Variants in NAA35 observed in about 807,000 individuals in gnomAD.
NAA35 encodes the protein N-alpha-acetyltransferase 35, NatC auxiliary subunit.
In NAA35, 18 loss-of-function variants were observed where a neutral mutation model predicts 101.7. The observed-to-expected ratio is 0.18, with a 90% CI of 0.12 to 0.26. NAA35 has a LOEUF of 0.26. NAA35 is among the 10% of genes least tolerant of loss of function. The pLI is 1.00. For synonymous variants in NAA35, 267 were observed against 273.1 expected (o/e 0.98, Z 0.22); for missense variants, 601 against 886.8 (o/e 0.68, Z 4.09).
intron 3 of NAA35, among the ~76,000 whole-genome samples, chr9:85,956,694 T>G (rs1352389425): frequency 6.6e-6 from 1 of 152,200 alleles, no homozygotes; most frequent in African/African-American, 2.4e-5. Flanking sequence ...TGTGATAGGT[T>G]GCTTGATAAC....
chr9:85,945,668 G>A (rs943874566), intron 2 of NAA35, among the ~76,000 whole-genome samples: 1 of 151,920 alleles, frequency 6.6e-6, no homozygotes, highest in Non-Finnish European at 1.5e-5. Flanking sequence ...ACAGGCGCCC[G>A]TCACCACGCC....
intron 15 of NAA35, among the ~76,000 whole-genome samples, chr9:86,011,723 A>T (rs1050710098): frequency 6.7e-6 from 1 of 148,826 alleles, no homozygotes; most frequent in Non-Finnish European, 1.5e-5. Flanking sequence ...TTTTGGGTCT[A>T]CTTCCAGTTA....
intron 12 of NAA35, among the ~76,000 whole-genome samples, chr9:86,000,330 A>C (rs1831368675): frequency 6.6e-6 from 1 of 152,140 alleles, no homozygotes; most frequent in African/African-American, 2.4e-5. Context: ...TTGCATCGAT[A>C]TTAATCAAAG....
rs948342967 is a variant in NAA35 at position 86,023,379 on chromosome 9, C to G, written c.*1419C>G. ...GCTGGTAATTACTGAATGCTTTAAA[C>G]AAAAAAAGGCAAAGGAATGGTAGGA... On this transcript the variant is annotated 3_prime_UTR_variant, in exon 23 of 23. Coordinates refer to ENST00000361671, the MANE Select transcript of NAA35 (RefSeq NM_024635.4). Among the ~76,000 whole-genome samples the G allele has an allele frequency of 6.6e-6, 1 of 151,152 alleles. No homozygotes were observed. The highest frequency in any genetic ancestry group is 1.5e-5 in the Non-Finnish European group (1 of 67,800).
chr9:85,950,180 C>T (rs374303063), intron 2 of NAA35, among the ~76,000 whole-genome samples: 10 of 152,158 alleles, frequency 6.6e-5, no homozygotes, highest in African/African-American at 2.4e-4. Flanking sequence ...GGGGCTTGTA[C>T]TCTGCTTCAT....
At chr9:85,997,649 T>A (rs1045137039) in intron 12 of NAA35, among the ~76,000 whole-genome samples, 1 of 152,088 alleles carries the variant, frequency 6.6e-6, no homozygotes, top group Non-Finnish European at 1.5e-5. Flanking sequence ...GGTCAATTTT[T>A]AAATTTTTAT....
intron 13 of NAA35, among the ~76,000 whole-genome samples, chr9:86,003,975 CAT>C: frequency 6.6e-6 from 1 of 152,238 alleles, no homozygotes; most frequent in South Asian, 2.1e-4. Flanking sequence ...GTAAGTAACA[CAT>C]GGGTCAAAGA....
chr9:85,967,022 G>A (rs1587588413), intron 6 of NAA35, among the ~76,000 whole-genome samples: 1 of 151,638 alleles, frequency 6.6e-6, no homozygotes, highest in Non-Finnish European at 1.5e-5. Flanking sequence ...TGGGAGAATC[G>A]CTTGAACCCG....
chr9:86,016,071 T>C (rs1486417852), intron 17 of NAA35, among the ~76,000 whole-genome samples: 1 of 151,892 alleles, frequency 6.6e-6, no homozygotes, highest in Non-Finnish European at 1.5e-5. Context: ...TTAGCAGTGT[T>C]AAAGTTCTGA....
chr9:86,015,950 G>C (rs1010190167), intron 17 of NAA35, among the ~76,000 whole-genome samples: 1 of 151,812 alleles, frequency 6.6e-6, no homozygotes, highest in Non-Finnish European at 1.5e-5. Flanking sequence ...CTTAAATTCA[G>C]GGCCAGGAAT....
chr9:86,015,864 ACT>A (rs1441908077), intron 17 of NAA35: 1 of 767,054 alleles, frequency 1.3e-6, no homozygotes, highest in Non-Finnish European at 1.6e-6. Context: ...GTTGTTATGG[ACT>A]CTCACATTTT....
chr9:85,948,443 G>T (rs781064914), intron 2 of NAA35, among the ~76,000 whole-genome samples: 1 of 152,084 alleles, frequency 6.6e-6, no homozygotes, highest in African/African-American at 2.4e-5. Flanking sequence ...CCTCTTAACT[G>T]CAGTCTAGGC....
intron 11 of NAA35, among the ~76,000 whole-genome samples, chr9:85,982,712 C>G (rs144546617): frequency 0.022 from 3,340 of 152,096 alleles, 57 homozygotes; most frequent in Non-Finnish European, 0.033. Context: ...TTAAAAGATA[C>G]CTGAATAAAC....
At chr9:85,948,945 T>TG (rs1173515044) in intron 2 of NAA35, among the ~76,000 whole-genome samples, 1 of 152,030 alleles carries the variant, frequency 6.6e-6, no homozygotes, top group Non-Finnish European at 1.5e-5. Flanking sequence ...TTAGTAGAGA[T>TG]GGGGTTTCGC....
intron 2 of NAA35, among the ~76,000 whole-genome samples, chr9:85,952,750 A>G (rs1829077152): frequency 6.6e-6 from 1 of 152,212 alleles, no homozygotes; most frequent in South Asian, 2.1e-4. Flanking sequence ...GAGGTACCTT[A>G]TGGTGCAAAA....
intron 2 of NAA35, among the ~76,000 whole-genome samples, chr9:85,950,591 A>C (rs1260958165): frequency 6.6e-6 from 1 of 152,024 alleles, no homozygotes; most frequent in Non-Finnish European, 1.5e-5. Context: ...CTAACCTTTC[A>C]TTTTACAGAT....
Position 86,025,164 on chromosome 9 carries a change from G to A in NAA35, c.*3204G>A, listed in dbSNP as rs1295623494. Among the ~76,000 whole-genome samples, 4 of 152,206 alleles carry A rather than the reference G, an allele frequency of 2.6e-5. No homozygotes were observed. Among genetic ancestry groups the A allele is most frequent in the Admixed American group, 2.6e-4 (4 of 15,280 alleles). ...GTTTTCCTTGTTCCTCTTTGGCTAT[G>A]CTCTGGGCACTGGAAAAAGCCTGCA... On this transcript the variant is annotated 3_prime_UTR_variant, in exon 23 of 23. Transcript: ENST00000361671.
intron 6 of NAA35, among the ~76,000 whole-genome samples, chr9:85,962,984 G>A (rs1027768187): frequency 3.3e-5 from 5 of 152,030 alleles, no homozygotes; most frequent in Admixed American, 2.0e-4. Context: ...GCTTTCAGAC[G>A]CTGATAATTT....
rs897632326 is a variant in NAA35, at chr9:85,941,697, G to A, written c.-6+424G>A. 4.1e-6 allele frequency: 4 copies of A among 986,206 alleles called. No homozygotes were observed. The South Asian group carries it at 1.9e-4, about 46-fold the overall frequency. The allele number at this position is 986,206 out of a possible 1,614,324, so 61.1% of individuals were successfully genotyped here. A position where few individuals can be genotyped will look rare whatever the true frequency, so the allele number is the denominator to read the frequency against. ...GCGAGGTTCTGCCTGGGTCCGGGCC[G>A]GCTCTGGCCCGGGAGAGGTCCCAGC... On this transcript the variant is annotated intron_variant, in intron 1 of 22. Transcript: ENST00000361671.
Sources: allele counts gnomAD v4.1 joint callset (sites outside exome capture counted in the v4.1 genomes callset), GRCh38; gene constraint gnomAD v4.1.1; transcripts MANE v1.5; gene names NCBI Gene and HGNC (gene_info 2026-07-23, HGNC 2026-07-21).